TMOD1: variants seen among roughly 807,000 people sequenced by gnomAD.
TMOD1 encodes tropomodulin 1, also known as tropomodulin-1.
In TMOD1, 17 loss-of-function variants were observed where a neutral mutation model predicts 40.6. That is an observed-to-expected ratio of 0.42 (90% CI 0.29 to 0.63). TMOD1 has a LOEUF of 0.63. TMOD1 is among the 20% of genes least tolerant of loss of function. The probability of loss-of-function intolerance (pLI) is 0.22; values close to 1 mark genes in which losing one functional copy is unlikely to be tolerated. For missense variants in TMOD1, 391 were observed against 447.6 expected, an observed-to-expected ratio of 0.87 and a Z score of 1.14; for synonymous variants, 181 against 175.0, an observed-to-expected ratio of 1.03 and a Z score of -0.27.
chr9:97,503,083 C>T (rs940924842), intron 1 of TMOD1, among the ~76,000 whole-genome samples: 14 of 152,196 alleles, frequency 9.2e-5, no homozygotes, highest in Non-Finnish European at 1.9e-4. Flanking sequence ...GTGCTGGGCC[C>T]TCAGCGTGAG....
intron 2 of TMOD1, among the ~76,000 whole-genome samples, chr9:97,542,818 C>T (rs1830293878): frequency 6.8e-6 from 1 of 147,838 alleles, no homozygotes; most frequent in Non-Finnish European, 1.5e-5. Flanking sequence ...CCACTGCACT[C>T]CAGCCTGGGC....
chr9:97,560,637 C>T (rs906888122), intron 4 of TMOD1, among the ~76,000 whole-genome samples: 4 of 147,812 alleles, frequency 2.7e-5, no homozygotes, highest in Admixed American at 6.8e-5. Context: ...AAAAATTAGC[C>T]GGACGACAAA....
Position 97,600,273 on chromosome 9 carries a change from C to T in TMOD1, c.*575C>T. 2 of 986,392 alleles carry T rather than the reference C, an allele frequency of 2.0e-6. No individual in the cohort carries two copies. Among genetic ancestry groups the T allele is most frequent in the Non-Finnish European group, 1.2e-6 (1 of 830,380 alleles). The allele number at this position is 986,392 out of a possible 1,614,324, so 61.1% of individuals were successfully genotyped here. A position where few individuals can be genotyped will look rare whatever the true frequency, so the allele number is the denominator to read the frequency against. On this transcript the variant is annotated 3_prime_UTR_variant, in exon 10 of 10. Transcript: ENST00000259365. ...ACAGACTGAAGCCACTGAACTCTGCCAGGAGTCAACATGAGATTCCTTTTG... is the reference window on the plus strand; with the variant it reads ...ACAGACTGAAGCCACTGAACTCTGCTAGGAGTCAACATGAGATTCCTTTTG...
intron 1 of TMOD1, among the ~76,000 whole-genome samples, chr9:97,509,827 T>G (rs920519480): frequency 6.6e-6 from 1 of 152,214 alleles, no homozygotes; most frequent in Non-Finnish European, 1.5e-5. Flanking sequence ...GTCAATCTGA[T>G]AGAACTGATA....
intron 4 of TMOD1, chr9:97,555,531 C>CT (rs1231830947): frequency 6.8e-7 from 1 of 1,468,834 alleles, no homozygotes; most frequent in Non-Finnish European, 9.0e-7. Context: ...TTATTGTTAT[C>CT]TGTAACGACG....
intron 1 of TMOD1, among the ~76,000 whole-genome samples, chr9:97,510,773 C>CT (rs963732593): frequency 6.6e-6 from 1 of 152,104 alleles, no homozygotes; most frequent in African/African-American, 2.4e-5. Context: ...GATGGCCTCT[C>CT]TTGTTTGTAC....
chr9:97,507,879 A>T (rs536437947), intron 1 of TMOD1, among the ~76,000 whole-genome samples: 33 of 152,278 alleles, frequency 2.2e-4, no homozygotes, highest in Admixed American at 1.8e-3. Context: ...AATCCTCAGT[A>T]TATTGTCAAG....
intron 4 of TMOD1, among the ~76,000 whole-genome samples, chr9:97,561,024 G>A (rs892926088): frequency 4.6e-5 from 7 of 152,200 alleles, no homozygotes; most frequent in Admixed American, 2.6e-4. Context: ...CAACAACACT[G>A]GTGAGGTGGG....
chr9:97,503,203 G>T (rs1829533394), intron 1 of TMOD1, among the ~76,000 whole-genome samples: 1 of 152,166 alleles, frequency 6.6e-6, no homozygotes, highest in South Asian at 2.1e-4. Context: ...GGTCACGCCA[G>T]AAGTTCTGCA....
chr9:97,556,894 AGGGC>A (rs1179989756), intron 4 of TMOD1, among the ~76,000 whole-genome samples: 1 of 152,104 alleles, frequency 6.6e-6, no homozygotes, highest in Non-Finnish European at 1.5e-5. Context: ...CGGGCTGGGG[AGGGC>A]AGGCCCCTCT....
chr9:97,536,329 G>T (rs530899958), intron 2 of TMOD1, among the ~76,000 whole-genome samples: 1 of 152,290 alleles, frequency 6.6e-6, no homozygotes, highest in East Asian at 1.9e-4. Context: ...GTTTGGCCTG[G>T]CCTGGCCTGG....
At chr9:97,569,204 C>T (rs554675663) in intron 8 of TMOD1, among the ~76,000 whole-genome samples, 167 bp downstream of exon 8, 2 of 152,282 alleles carry the variant, frequency 1.3e-5, no homozygotes, top group East Asian at 1.9e-4. Flanking sequence ...ACCACGCTCA[C>T]CTTCCTTCTT....
chr9:97,561,085 G>A (rs1296231965), intron 4 of TMOD1, among the ~76,000 whole-genome samples: 1 of 152,184 alleles, frequency 6.6e-6, no homozygotes, highest in Non-Finnish European at 1.5e-5. Flanking sequence ...GGATTTGGCT[G>A]TACAAGCCAC....
chr9:97,597,539 A>G (rs113786415), intron 9 of TMOD1, among the ~76,000 whole-genome samples: 17,882 of 151,832 alleles, frequency 0.12, 2,991 homozygotes, highest in African/African-American at 0.37. Flanking sequence ...TCTACTAAAA[A>G]TACAAAAAAT....
chr9:97,538,336 C>G (rs1181473262), intron 2 of TMOD1, among the ~76,000 whole-genome samples: 1 of 152,104 alleles, frequency 6.6e-6, no homozygotes. Flanking sequence ...CCTCAGATTC[C>G]TATATACAAA....
At chr9:97,509,500 G>GT (rs1332720782) in intron 1 of TMOD1, among the ~76,000 whole-genome samples, 2,285 of 136,362 alleles carry the variant, frequency 0.017, 46 homozygotes, top group East Asian at 0.1. Context: ...GCTAATAGAG[G>GT]TTTTTTTTTT....
chr9:97,556,216 T>A (rs192241478), intron 4 of TMOD1, among the ~76,000 whole-genome samples: 2 of 152,248 alleles, frequency 1.3e-5, no homozygotes. Context: ...AGCCCAGCTG[T>A]TCCTAGTGCC....
intron 9 of TMOD1, among the ~76,000 whole-genome samples, chr9:97,593,158 G>A (rs963047917): frequency 1.3e-5 from 2 of 152,256 alleles, no homozygotes; most frequent in Admixed American, 1.3e-4. Flanking sequence ...CTATCTCTGG[G>A]CTAACCCAGT....
intron 8 of TMOD1, among the ~76,000 whole-genome samples, chr9:97,579,556 GATT>G (rs1554684975): frequency 6.6e-6 from 1 of 152,214 alleles, no homozygotes; most frequent in Non-Finnish European, 1.5e-5. Flanking sequence ...AGAGTGCTGG[GATT>G]ATAGGTGTGA....
Sources: allele counts gnomAD v4.1 joint callset (sites outside exome capture counted in the v4.1 genomes callset), GRCh38; gene constraint gnomAD v4.1.1; transcripts MANE v1.5; gene names NCBI Gene and HGNC (gene_info 2026-07-23, HGNC 2026-07-21).